The following SGCD variants were observed in gnomAD, a reference collection of about 807,000 sequenced individuals.
SGCD encodes the protein sarcoglycan delta.
Under a neutral mutation model 36.6 loss-of-function variants are expected in SGCD, and 18 were observed. The ratio of observed to expected loss-of-function variants is 0.49; its 90% CI spans 0.34 to 0.73. The LOEUF is 0.73. Among genes scored for constraint, SGCD ranks in the 30% least tolerant of loss-of-function variants. SGCD has a pLI of 0.01. For missense variants in SGCD, 387 were observed against 346.7 expected (o/e 1.12, Z -0.92); for synonymous variants, 133 against 130.6 (o/e 1.02, Z -0.12).
chr5:155,936,865 C>A (rs1757215102), intron 1 of SGCD, among the ~76,000 whole-genome samples: 2 of 152,244 alleles, frequency 1.3e-5, no homozygotes, highest in Non-Finnish European at 2.9e-5. Context: ...CTCCCATGCT[C>A]CTTGGTGGCT....
intron 1 of SGCD, among the ~76,000 whole-genome samples, chr5:156,076,159 GC>G (rs998898051): frequency 4.4e-4 from 67 of 151,866 alleles, no homozygotes; most frequent in African/African-American, 1.5e-3. Flanking sequence ...ATCAAAGTGG[GC>G]CATTCTCTGC....
intron 7 of SGCD, among the ~76,000 whole-genome samples, chr5:156,717,225 C>T (rs1470325685): frequency 3.3e-5 from 5 of 152,192 alleles, no homozygotes; most frequent in Non-Finnish European, 2.9e-5. Flanking sequence ...GAAACACTGT[C>T]TCTTAACCAA....
chr5:156,650,316 T>A (rs1327154153), intron 7 of SGCD, among the ~76,000 whole-genome samples: 8 of 152,184 alleles, frequency 5.3e-5, no homozygotes. Context: ...CCACAGAGGC[T>A]AGAAAGCATG....
chr5:156,615,686 T>C (rs1761994084), intron 6 of SGCD, among the ~76,000 whole-genome samples: 1 of 152,220 alleles, frequency 6.6e-6, no homozygotes, highest in Admixed American at 6.5e-5. Context: ...ACTGTGATGA[T>C]TACCACTGTT....
chr5:156,574,774 G>A (rs535017856), intron 4 of SGCD, among the ~76,000 whole-genome samples: 45 of 152,136 alleles, frequency 3.0e-4, no homozygotes, highest in Non-Finnish European at 4.3e-4. Context: ...TTTTCTCTCC[G>A]TGTTAGTAAT....
intron 2 of SGCD, among the ~76,000 whole-genome samples, chr5:156,343,681 ATTAC>A (rs1180313030): frequency 6.6e-6 from 1 of 152,174 alleles, no homozygotes; most frequent in Non-Finnish European, 1.5e-5. Flanking sequence ...GCATCAACGT[ATTAC>A]TTTATAATAT....
rs577983417 is a variant in SGCD at position 156,569,680 on chromosome 5, AG to A, written c.295-19550del. On this transcript the variant is annotated intron_variant, in intron 4 of 8. Transcript: ENST00000337851. ...TGCTAAGTGAAATGTGGAAAGAGAGAGCAAGAGTAAGAGGATGGAGAGTAAA... is the reference window on the plus strand; with the variant it reads ...TGCTAAGTGAAATGTGGAAAGAGAGACAAGAGTAAGAGGATGGAGAGTAAA... Among the ~76,000 whole-genome samples the A allele has an allele frequency of 2.2e-3, 337 of 152,168 alleles. 2 individuals carry two copies. Among genetic ancestry groups the A allele is most frequent in the African/African-American group, 7.6e-3 (317 of 41,526 alleles).
chr5:155,903,399 T>C (rs1391845858), intron 1 of SGCD, among the ~76,000 whole-genome samples: 1 of 152,204 alleles, frequency 6.6e-6, no homozygotes, highest in Admixed American at 6.5e-5. Flanking sequence ...GTTTATTTTG[T>C]TTTGTTTTCA....
At chr5:156,502,328 G>A (rs1372813831) in intron 3 of SGCD, among the ~76,000 whole-genome samples, 2 of 152,084 alleles carry the variant, frequency 1.3e-5, no homozygotes, top group Non-Finnish European at 2.9e-5. Context: ...TTACAGGCGT[G>A]AGCCACCATG....
At chr5:156,354,104 A>G (rs1769386873) in intron 3 of SGCD, among the ~76,000 whole-genome samples, 1 of 152,238 alleles carries the variant, frequency 6.6e-6, no homozygotes, top group Non-Finnish European at 1.5e-5. Context: ...ATAATTTACT[A>G]GGGAAGAAAA....
chr5:155,946,167 A>G (rs1205224853), intron 1 of SGCD, among the ~76,000 whole-genome samples: 1 of 151,968 alleles, frequency 6.6e-6, no homozygotes, highest in South Asian at 2.1e-4. Flanking sequence ...GTGGAAGAGA[A>G]CTCATGATTC....
chr5:156,010,292 G>A (rs1256955829), intron 1 of SGCD, among the ~76,000 whole-genome samples: 1 of 152,090 alleles, frequency 6.6e-6, no homozygotes. Context: ...TTACTGTTGG[G>A]AATGTAATAC....
At chr5:156,673,333 T>A (rs1753378926) in intron 7 of SGCD, among the ~76,000 whole-genome samples, 1 of 152,202 alleles carries the variant, frequency 6.6e-6, no homozygotes, top group Admixed American at 6.5e-5. Flanking sequence ...GTTTTAAAAC[T>A]TCACATTCCT....
chr5:156,349,037 A>G (rs1403894845), intron 3 of SGCD, among the ~76,000 whole-genome samples: 4 of 152,086 alleles, frequency 2.6e-5, no homozygotes, highest in African/African-American at 4.8e-5. Flanking sequence ...GGAAAATTGG[A>G]TAGCTACACG....
chr5:156,455,116 T>C (rs1474973315), intron 3 of SGCD, among the ~76,000 whole-genome samples: 4 of 152,196 alleles, frequency 2.6e-5, no homozygotes, highest in African/African-American at 7.2e-5. Flanking sequence ...ATACTTGGCA[T>C]ACTTTTTTTA....
chr5:155,845,115 G>A, the SGCD span, among the ~76,000 whole-genome samples: 1 of 152,146 alleles, frequency 6.6e-6, no homozygotes, highest in Non-Finnish European at 1.5e-5. Flanking sequence ...TTATGAGTGA[G>A]AACATGCAGT....
intron 3 of SGCD, among the ~76,000 whole-genome samples, chr5:156,188,343 A>C (rs1003226350): frequency 6.6e-6 from 1 of 152,190 alleles, no homozygotes; most frequent in African/African-American, 2.4e-5. Context: ...ATTATACATT[A>C]GTTAAAAGGT....
At chr5:156,455,606 TG>T (rs1260054470) in intron 3 of SGCD, among the ~76,000 whole-genome samples, 1 of 152,184 alleles carries the variant, frequency 6.6e-6, no homozygotes, top group South Asian at 2.1e-4. Context: ...GCTGACCACC[TG>T]ACCCTTGCCT....
chr5:156,286,987 C>T (rs1035325695), intron 3 of SGCD, among the ~76,000 whole-genome samples: 4 of 151,894 alleles, frequency 2.6e-5, no homozygotes, highest in African/African-American at 7.3e-5. Flanking sequence ...GGACAGATGC[C>T]GTTGTGAATA....
Sources: gnomAD v4.1 joint callset for allele counts (sites outside exome capture counted in the v4.1 genomes callset) on GRCh38, gnomAD v4.1.1 for gene constraint, MANE v1.5 for transcripts, NCBI Gene and HGNC (gene_info 2026-07-23, HGNC 2026-07-21) for gene names.